Variants in LHFPL3 observed in about 807,000 individuals in gnomAD.
LHFPL3 encodes LHFPL tetraspan subfamily member 3 protein.
In LHFPL3, 5 loss-of-function variants were observed where a neutral mutation model predicts 19.3. The observed-to-expected ratio is 0.26, with a 90% CI of 0.14 to 0.54. The LOEUF (loss-of-function observed/expected upper bound fraction) is 0.54. Ranked by LOEUF, LHFPL3 falls within the 20% of genes least tolerant of loss-of-function variation. The pLI, the probability that LHFPL3 is intolerant of heterozygous loss-of-function variation, is 0.94. For missense variants in LHFPL3, 249 were observed against 307.4 expected (o/e 0.81, Z 1.42); for synonymous variants, 133 against 126.2 (o/e 1.05, Z -0.36).
intron 2 of LHFPL3, among the ~76,000 whole-genome samples, chr7:104,858,269 G>C (rs1273218393): frequency 1.3e-5 from 2 of 152,116 alleles, no homozygotes; most frequent in African/African-American, 4.8e-5. Flanking sequence ...ATCCCCTCTC[G>C]AAGGTAAATA....
intron 1 of LHFPL3, among the ~76,000 whole-genome samples, chr7:104,689,201 A>T (rs2116125670): frequency 6.6e-6 from 1 of 152,262 alleles, no homozygotes; most frequent in Middle Eastern, 3.4e-3. Context: ...TCAATTAGAA[A>T]ATTTAAATGC....
chr7:104,662,207 A>G (rs1055928308), intron 1 of LHFPL3, among the ~76,000 whole-genome samples: 2 of 152,234 alleles, frequency 1.3e-5, no homozygotes, highest in South Asian at 4.1e-4. Flanking sequence ...GGGGGAGACT[A>G]CCGTATAAGG....
chr7:104,513,030 C>A (rs934289352), intron 1 of LHFPL3, among the ~76,000 whole-genome samples: 4 of 152,064 alleles, frequency 2.6e-5, no homozygotes, highest in Non-Finnish European at 4.4e-5. Flanking sequence ...ATGGAAGACA[C>A]AAAACTTGTT....
At chr7:104,457,626 A>G (rs1020964051) in intron 1 of LHFPL3, among the ~76,000 whole-genome samples, 2 of 148,836 alleles carry the variant, frequency 1.3e-5, no homozygotes, top group African/African-American at 5.0e-5. Context: ...TTGGGTATAT[A>G]CCCAGTAATG....
At chr7:104,416,243 G>C (rs1791620001) in intron 1 of LHFPL3, among the ~76,000 whole-genome samples, 1 of 152,152 alleles carries the variant, frequency 6.6e-6, no homozygotes, top group Admixed American at 6.5e-5. Flanking sequence ...TGCTGGTAAA[G>C]ATCATAAGCT....
intron 1 of LHFPL3, among the ~76,000 whole-genome samples, chr7:104,535,369 A>G (rs1483589033): frequency 1.3e-5 from 2 of 152,206 alleles, no homozygotes; most frequent in Non-Finnish European, 2.9e-5. Context: ...ATCCAATGAA[A>G]TGTATCAAAA....
At position 104,736,856 on chromosome 7, in the gene LHFPL3, G is replaced by T; in HGVS notation, c.627G>T (p.Val209=). ...DALILSFLAF[V]LGNRQDSLMA... is the part of the protein sequence containing the mutation. The stretch of plus-strand genomic sequence containing the variant: ...TGATCCTCTCATTTCTAGCATTTGT[G>T]CTTGGTAATCGACAAGACAGCTTGA... Residue 209 remains valine, a synonymous_variant, in exon 2 of 3, where the codon GTG becomes GTT. Coordinates refer to ENST00000424859, the MANE Select transcript of LHFPL3 (RefSeq NM_199000.3). 2 of 1,612,356 alleles carry T rather than the reference G, an allele frequency of 1.2e-6. No individual in the cohort carries two copies. The highest frequency in any genetic ancestry group is 8.5e-7 in the Non-Finnish European group (1 of 1,179,278).
At chr7:104,839,858 A>G (rs1037329093) in intron 2 of LHFPL3, among the ~76,000 whole-genome samples, 11 of 151,984 alleles carry the variant, frequency 7.2e-5, no homozygotes, top group African/African-American at 2.7e-4. Context: ...TGAAAATGGG[A>G]AGCAGTATGG....
In LHFPL3 at chr7:104,421,726, A is replaced by C. The variant is rs151137775; in HGVS notation, c.445+92502A>C. On this transcript the variant is annotated intron_variant, in intron 1 of 2. Coordinates refer to ENST00000424859, the MANE Select transcript of LHFPL3 (RefSeq NM_199000.3). ...GTAATTTGCCAAGATATGGAGGAAGAAGAAATAGATCTGGAAATTGTTCAG... is the reference window on the plus strand; with the variant it reads ...GTAATTTGCCAAGATATGGAGGAAGCAGAAATAGATCTGGAAATTGTTCAG... Among the ~76,000 whole-genome samples, 58 of 152,344 alleles carry C rather than the reference A, an allele frequency of 3.8e-4. 1 individual carries two copies. The East Asian group carries it at 0.011, about 29-fold the overall frequency.
chr7:104,886,872 C>A (rs1792159099), intron 2 of LHFPL3, among the ~76,000 whole-genome samples: 1 of 152,202 alleles, frequency 6.6e-6, no homozygotes, highest in African/African-American at 2.4e-5. Context: ...CTCTGAAAAT[C>A]AAGCACATTC....
intron 2 of LHFPL3, among the ~76,000 whole-genome samples, chr7:104,741,952 T>C (rs79839118): frequency 2.9e-4 from 44 of 152,280 alleles, no homozygotes; most frequent in African/African-American, 1.0e-3. Context: ...CTGGGGCTGA[T>C]CATGGACAGG....
chr7:104,442,260 C>A (rs1278719353), intron 1 of LHFPL3, among the ~76,000 whole-genome samples: 4 of 148,974 alleles, frequency 2.7e-5, no homozygotes, highest in Non-Finnish European at 3.0e-5. Context: ...TTTTTTGCTG[C>A]TGAATTGTAG....
intron 1 of LHFPL3, chr7:104,668,535 G>C: frequency 5.0e-6 from 8 of 1,613,230 alleles, no homozygotes; most frequent in Non-Finnish European, 6.8e-6. Flanking sequence ...CAGAGACTAT[G>C]ATAGAGGCTA....
intron 1 of LHFPL3, among the ~76,000 whole-genome samples, chr7:104,670,818 T>C (rs1072699): frequency 0.091 from 13,801 of 151,964 alleles, 833 homozygotes; most frequent in East Asian, 0.17. Context: ...AATGCCACAC[T>C]AATGTTTGTT....
intron 1 of LHFPL3, among the ~76,000 whole-genome samples, chr7:104,433,754 T>TAGA (rs1792045720): frequency 3.9e-5 from 6 of 152,188 alleles, no homozygotes; most frequent in African/African-American, 1.4e-4. Context: ...ACCAGTCTCT[T>TAGA]TCTCTGATTT....
chr7:104,536,464 T>G (rs1445703621), intron 1 of LHFPL3, among the ~76,000 whole-genome samples: 1 of 152,170 alleles, frequency 6.6e-6, no homozygotes, highest in Non-Finnish European at 1.5e-5. Context: ...GGAACATCAT[T>G]TTCCCCCACG....
chr7:104,566,997 G>T (rs976624135), intron 1 of LHFPL3, among the ~76,000 whole-genome samples: 12 of 152,120 alleles, frequency 7.9e-5, no homozygotes, highest in Non-Finnish European at 1.5e-4. Flanking sequence ...AGCCTCCCTT[G>T]ATGACTATTG....
chr7:104,625,858 C>A (rs941878612), intron 1 of LHFPL3, among the ~76,000 whole-genome samples: 2 of 152,174 alleles, frequency 1.3e-5, no homozygotes, highest in African/African-American at 4.8e-5. Flanking sequence ...ATTACCCACA[C>A]AAAGATGGTA....
intron 1 of LHFPL3, among the ~76,000 whole-genome samples, chr7:104,635,626 A>G (rs1489975094): frequency 6.6e-6 from 1 of 152,218 alleles, no homozygotes; most frequent in Non-Finnish European, 1.5e-5. Context: ...TCAGACATGC[A>G]TGCAGTCAAA....
Sources: allele counts gnomAD v4.1 joint callset (sites outside exome capture counted in the v4.1 genomes callset), GRCh38; gene constraint gnomAD v4.1.1; transcripts MANE v1.5; gene names NCBI Gene and HGNC (gene_info 2026-07-23, HGNC 2026-07-21).